LRRK2: variants seen among roughly 807,000 people sequenced by gnomAD.
LRRK2 encodes the protein leucine-rich repeat serine/threonine-protein kinase 2.
Under a neutral mutation model 302.6 loss-of-function variants are expected in LRRK2, and 203 were observed. The observed-to-expected ratio is 0.67, with a 90% CI of 0.60 to 0.75. The LOEUF is 0.75. Among genes scored for constraint, LRRK2 ranks in the 30% least tolerant of loss-of-function variants. LRRK2 has a pLI of 0.00. For synonymous variants in LRRK2, 1,066 were observed against 1,031.9 expected, an observed-to-expected ratio of 1.03 and a Z score of -0.63; for missense variants, 2,830 against 2,951.0, an observed-to-expected ratio of 0.96 and a Z score of 0.95.
At chr12:40,226,002 A>G (rs964552090) in intron 2 of LRRK2, among the ~76,000 whole-genome samples, 1 of 152,206 alleles carries the variant, frequency 6.6e-6, no homozygotes, top group African/African-American at 2.4e-5. Flanking sequence ...CATGTCCTAG[A>G]TGAGAAGATT....
At chr12:40,267,261 C>T (rs542408010) in intron 14 of LRRK2, among the ~76,000 whole-genome samples, 9 of 152,324 alleles carry the variant, frequency 5.9e-5, no homozygotes, top group African/African-American at 2.2e-4. Flanking sequence ...ACAGTTGCCG[C>T]GTCCTGAGGA....
chr12:40,363,292 G>A, intron 47 of LRRK2, 110 bp from the exon 48 acceptor site: 2 of 932,104 alleles, frequency 2.1e-6, no homozygotes, highest in South Asian at 1.5e-5. Context: ...AGCTTGTTTA[G>A]TTTTCAAAAT....
Position 40,321,147 on chromosome 12 carries a change from A to G in LRRK2, c.5129A>G (p.Asn1710Ser), listed in dbSNP as rs139014427. ...FPMGFWSRLINRLLEISPYML... is the reference protein window; with the variant it reads ...FPMGFWSRLISRLLEISPYML... Reference sequence around the variant, plus strand: ...ATGGGATTTTGGTCAAGATTAATCAATCGATTACTTGAGATTTCACCTTAC... The same window carrying G: ...ATGGGATTTTGGTCAAGATTAATCAGTCGATTACTTGAGATTTCACCTTAC... Residue 1710 changes from asparagine (N) to serine (S), a missense_variant, in exon 35 of 51, where the codon AAT becomes AGT. Physicochemically the swap from Asn to Ser is conservative, Grantham distance 46. Around this residue, in one of 3 missense-constraint regions of LRRK2, gnomAD observed 2,121 missense variants for 2,148.0 expected, o/e 0.99. Transcript: ENST00000298910. 5.3e-5 allele frequency: 86 copies of G among 1,612,686 alleles called. No individual in the cohort carries two copies. The African/African-American group carries it at 9.6e-4, about 18-fold the overall frequency.
In LRRK2 at chr12:40,346,892, T is replaced by A. The variant is rs1395966733; in HGVS notation, c.6249T>A (p.Phe2083Leu). ...AGGGTTTGAAGTTTCCAAATGAGTT[T>A]GATGAATTAGAAATACAAGGAAAAT... Reference protein sequence around the residue: ...IVEGLKFPNEFDELEIQGKLP... With the variant: ...IVEGLKFPNELDELEIQGKLP... Residue 2083 changes from phenylalanine to leucine, a missense_variant, in exon 42 of 51, where the codon TTT becomes TTA. This residue lies in a region of LRRK2 where 253 missense variants were observed against 346.7 expected (regional missense o/e 0.73). Transcript: ENST00000298910. The A allele has an allele frequency of 6.2e-7, 1 of 1,612,438 alleles. No homozygotes were observed. The highest frequency in any genetic ancestry group is 8.5e-7 in the Non-Finnish European group (1 of 1,179,592).
At chr12:40,295,386 A>T (rs759940024) in intron 22 of LRRK2, 41 bp from the exon 23 acceptor site, 10 of 1,567,884 alleles carry the variant, frequency 6.4e-6, no homozygotes, top group South Asian at 3.3e-5. Context: ...AATTTAAATT[A>T]TTTGCTTATA....
Position 40,274,834 on chromosome 12 carries a change from CT to C in LRRK2, c.1802-11del, listed in dbSNP as rs200529791. On this transcript the variant is annotated intron_variant, in intron 15 of 50. Transcript: ENST00000298910. ...TTCAGTTTTGAGATTTAAAACAATT[CT>C]TTTTTTTTATTTTCCTAGAAATTCA... 240 of 1,600,496 alleles carry C rather than the reference CT, an allele frequency of 1.5e-4. No homozygotes were observed. In the African/African-American group the frequency reaches 1.7e-3, roughly 11 times the overall value.
chr12:40,295,682 G>A, intron 23 of LRRK2, 38 bp downstream of exon 23: 1 of 1,575,360 alleles, frequency 6.3e-7, no homozygotes, highest in South Asian at 1.1e-5. Context: ...CAAGACATTT[G>A]AAGAGCTTTT....
intron 28 of LRRK2, among the ~76,000 whole-genome samples, chr12:40,308,158 G>A (rs933030776): frequency 6.6e-6 from 1 of 151,826 alleles, no homozygotes; most frequent in Non-Finnish European, 1.5e-5. Context: ...TATATATAGA[G>A]GTATATATAT....
chr12:40,346,111 G>T (rs1029961060), intron 41 of LRRK2, among the ~76,000 whole-genome samples: 3 of 151,896 alleles, frequency 2.0e-5, no homozygotes, highest in Non-Finnish European at 4.4e-5. Flanking sequence ...GAATTTAAAA[G>T]TAATTTATCT....
intron 4 of LRRK2, among the ~76,000 whole-genome samples, chr12:40,237,234 T>C: frequency 6.6e-6 from 1 of 152,176 alleles, no homozygotes; most frequent in Middle Eastern, 3.2e-3. Context: ...GTCTTGTTTT[T>C]CATACTAAGG....
At chr12:40,326,319 C>T (rs958034967) in intron 38 of LRRK2, among the ~76,000 whole-genome samples, 1 of 151,792 alleles carries the variant, frequency 6.6e-6, no homozygotes, top group Non-Finnish European at 1.5e-5. Flanking sequence ...AAAAAATTAG[C>T]CAGGCGTGGT....
intron 2 of LRRK2, among the ~76,000 whole-genome samples, chr12:40,226,389 A>G (rs1157995016): frequency 1.3e-5 from 2 of 152,236 alleles, no homozygotes; most frequent in East Asian, 1.9e-4. Context: ...AACTGAAATC[A>G]GTTTTGTCAT....
At chr12:40,332,024 G>A (rs367806981) in intron 39 of LRRK2, among the ~76,000 whole-genome samples, 25 of 152,148 alleles carry the variant, frequency 1.6e-4, no homozygotes, top group East Asian at 5.8e-4. Context: ...GAATCAAATG[G>A]CCTACATAAT....
intron 47 of LRRK2, among the ~76,000 whole-genome samples, chr12:40,362,317 G>A (rs552756561): frequency 1.3e-5 from 2 of 152,096 alleles, no homozygotes; most frequent in African/African-American, 2.4e-5. Context: ...ACTAATGATT[G>A]TTAAATCTTT....
chr12:40,365,932 C>G (rs1946866277), intron 49 of LRRK2: 1 of 151,914 alleles, frequency 6.6e-6, no homozygotes, highest in Non-Finnish European at 1.5e-5. Flanking sequence ...GTAGGTCTCT[C>G]AATAGGTTGT....
chr12:40,252,453 C>T (rs995747953), intron 10 of LRRK2, among the ~76,000 whole-genome samples: 4 of 152,016 alleles, frequency 2.6e-5, no homozygotes, highest in African/African-American at 4.8e-5. Context: ...AGATTCATGT[C>T]GCAGTTTATA....
chr12:40,345,622 CAAAAAA>C (rs144415226), intron 41 of LRRK2, among the ~76,000 whole-genome samples: 2 of 67,528 alleles, frequency 3.0e-5, no homozygotes, highest in South Asian at 7.7e-4. Flanking sequence ...GACTCCATCT[CAAAAAA>C]AAAAAAAAAA....
intron 38 of LRRK2, among the ~76,000 whole-genome samples, chr12:40,324,787 A>G (rs1945497074): frequency 6.6e-6 from 1 of 152,170 alleles, no homozygotes; most frequent in African/African-American, 2.4e-5. Context: ...GTTAACATAA[A>G]ATGCTGAATT....
intron 23 of LRRK2, among the ~76,000 whole-genome samples, 165 bp from the exon 24 acceptor site, chr12:40,298,078 C>T (rs908658424): frequency 6.6e-6 from 1 of 151,848 alleles, no homozygotes; most frequent in Non-Finnish European, 1.5e-5. Context: ...CAAGCAGAGA[C>T]GATTGGGCCA....
Sources: allele counts gnomAD v4.1 joint callset (sites outside exome capture counted in the v4.1 genomes callset), GRCh38; gene constraint gnomAD v4.1.1; regional missense constraint gnomAD v4.1.1; transcripts MANE v1.5; gene names NCBI Gene and HGNC (gene_info 2026-07-23, HGNC 2026-07-21).